Variants in KIF23 observed in about 807,000 individuals in gnomAD.
KIF23 encodes the protein kinesin-like protein KIF23.
A neutral mutation model predicts 137.5 loss-of-function variants in KIF23; 30 were observed. The observed-to-expected ratio is 0.22, with a 90% CI of 0.16 to 0.30. The LOEUF is 0.30. Among genes scored for constraint, KIF23 ranks in the 10% least tolerant of loss-of-function variants. The pLI, the probability that KIF23 is intolerant of heterozygous loss-of-function variation, is 1.00. For synonymous variants in KIF23, 367 were observed against 391.1 expected, an observed-to-expected ratio of 0.94 and a Z score of 0.73; for missense variants, 920 against 1,194.3, an observed-to-expected ratio of 0.77 and a Z score of 3.38.
intron 10 of KIF23, among the ~76,000 whole-genome samples, chr15:69,428,590 G>C (rs550457725): frequency 2.5e-4 from 37 of 147,902 alleles, no homozygotes; most frequent in African/African-American, 8.7e-4. Context: ...AACCCAGGAG[G>C]GGGAGGTTGT....
At chr15:69,425,195 T>C (rs2057158597) in intron 7 of KIF23, 87 bp from the exon 8 acceptor site, 2 of 982,276 alleles carry the variant, frequency 2.0e-6, no homozygotes, top group Non-Finnish European at 3.0e-6. Context: ...ATATGACTCA[T>C]TGTGATTGTC....
chr15:69,419,198 T>A (rs1287456317), intron 3 of KIF23, among the ~76,000 whole-genome samples: 1 of 152,224 alleles, frequency 6.6e-6, no homozygotes, highest in Non-Finnish European at 1.5e-5. Context: ...AATCTCAGAC[T>A]GGCATTGGTT....
At position 69,436,630 on chromosome 15, in the gene KIF23, T is replaced by G. The variant is rs1328110433; in HGVS notation, c.1505T>G (p.Ile502Ser). The change falls in exon 15 of 24, where the codon ATC becomes AGC. Residue 502 changes from isoleucine to serine, a missense_variant. Physicochemically the swap from Ile to Ser is moderately radical, Grantham distance 142 (BLOSUM62 -2). Around this residue, in one of 4 missense-constraint regions of KIF23, gnomAD observed 714 missense variants for 866.2 expected, o/e 0.82. Transcript: ENST00000679126. Reference protein sequence around the residue: ...PPLPSCEILDINDEQTLPRLI... With the variant: ...PPLPSCEILDSNDEQTLPRLI... ...TTGCCATCATGCGAAATTTTGGATA[T>G]CAACGATGAGCAGACACTTCCAAGG... 1 of 1,612,580 alleles carries G rather than the reference T, an allele frequency of 6.2e-7. No homozygotes were observed. The highest frequency in any genetic ancestry group is 8.5e-7 in the Non-Finnish European group (1 of 1,178,890).
chr15:69,426,397 C>T lies in KIF23; in HGVS notation c.951C>T (p.Ser317=), dbSNP rs1281633534. The T allele has an allele frequency of 4.3e-6, 7 of 1,613,668 alleles. No individual in the cohort carries two copies. The highest frequency in any genetic ancestry group is 1.7e-5 in the Admixed American group (1 of 60,000). Residue 317 remains serine, a synonymous_variant, in exon 10 of 24, where the codon AGC becomes AGT. Coordinates refer to ENST00000679126, the MANE Select transcript of KIF23 (RefSeq NM_001367805.3). ...ATCGTGAGTCCAGCCGTTCCCATAG[C>T]GTGTTCAACATTAAATTAGTTCAGG... ...HLNRESSRSH[S]VFNIKLVQAP...
rs575021687 is a variant in KIF23, at chr15:69,446,197, G to A, written c.2757-86G>A. 6.4e-6 allele frequency: 9 copies of A among 1,409,530 alleles called. No homozygotes were observed. The South Asian group carries it at 1.0e-4, about 16-fold the overall frequency. 87.3% of individuals were successfully genotyped at this position (1,409,530 alleles called of 1,614,324 possible). ...AAATGTATCATTAATTCTCCAAAGG[G>A]ATGTAGATAGTATTCCCCTACTTCT... On this transcript the variant is annotated intron_variant, in intron 21 of 23. Transcript: ENST00000679126.
chr15:69,431,590 G>A lies in KIF23; in HGVS notation c.1114+2377G>A, dbSNP rs201546909. Among the ~76,000 whole-genome samples the A allele has an allele frequency of 4.0e-5, 6 of 151,124 alleles. No homozygotes were observed. The East Asian group carries it at 1.2e-3, about 30-fold the overall frequency. On this transcript the variant is annotated intron_variant, in intron 11 of 23. Transcript: ENST00000679126. The stretch of plus-strand genomic sequence containing the variant: ...GATCGCGCCATTGCACTCCAGCCTG[G>A]GCGACAGAGCGAGACTCCGTCTCAA...
At chr15:69,432,376 TGAG>T (rs1360550286) in intron 11 of KIF23, among the ~76,000 whole-genome samples, 1 of 152,146 alleles carries the variant, frequency 6.6e-6, no homozygotes, top group African/African-American at 2.4e-5. Flanking sequence ...CTACAGCATA[TGAG>T]AATGATTGTT....
intron 22 of KIF23, 113 bp downstream of exon 22, chr15:69,446,477 T>C (rs777080033): frequency 7.6e-6 from 6 of 784,526 alleles, no homozygotes; most frequent in Non-Finnish European, 1.3e-5. Flanking sequence ...TAATCTCACA[T>C]TGCCAGTGCA....
intron 3 of KIF23, among the ~76,000 whole-genome samples, chr15:69,419,300 C>CAG (rs10649979): frequency 1 from 151,773 of 152,330 alleles, 75,609 homozygotes; most frequent in Middle Eastern, 1. Flanking sequence ...ACAGAGCAGA[C>CAG]AGTGATCTTT....
At chr15:69,426,680 A>G in intron 10 of KIF23, 1 of 504,398 alleles carries the variant, frequency 2.0e-6, no homozygotes, top group Non-Finnish European at 3.5e-6. Flanking sequence ...AGATCGCGCC[A>G]CTGTAGTCCA....
chr15:69,425,178 T>G, intron 7 of KIF23, 104 bp from the exon 8 acceptor site: 1 of 835,128 alleles, frequency 1.2e-6, no homozygotes, highest in Non-Finnish European at 1.8e-6. Flanking sequence ...AGTGGAGGGT[T>G]TTTAAGATAT....
At chr15:69,419,073 C>T (rs541825088) in intron 3 of KIF23, among the ~76,000 whole-genome samples, 11 of 152,230 alleles carry the variant, frequency 7.2e-5, no homozygotes, top group South Asian at 4.1e-4. Flanking sequence ...GCCGAGATCG[C>T]GCCATTGCAC....
intron 1 of KIF23, chr15:69,415,087 T>G (rs2056864725): frequency 6.6e-6 from 1 of 152,208 alleles, no homozygotes; most frequent in Non-Finnish European, 1.5e-5. Context: ...AAGCTAATAT[T>G]TTCGGCGCAG....
intron 1 of KIF23, chr15:69,414,822 C>T: frequency 3.6e-6 from 1 of 274,778 alleles, no homozygotes; most frequent in African/African-American, 2.2e-5. Context: ...CCTTCTCCCT[C>T]GCTGGCTGCC....
rs2057774385 is a variant in KIF23 at position 69,447,895 on chromosome 15, T to C, written c.*88T>C. 7.3e-7 allele frequency: 1 copy of C among 1,371,264 alleles called. No homozygotes were observed. The highest frequency in any genetic ancestry group is 1.0e-6 in the Non-Finnish European group (1 of 965,804). 84.9% of individuals were successfully genotyped at this position (1,371,264 alleles called of 1,614,324 possible). On this transcript the variant is annotated 3_prime_UTR_variant, in exon 24 of 24. Transcript: ENST00000679126. ...CCAGAAGCAGTCTTCCAGGTCATCT[T>C]GTAGAACTCCAGCTTTGTTGAAAAT...
At chr15:69,427,456 T>C (rs1397249187) in intron 10 of KIF23, 2 of 455,972 alleles carry the variant, frequency 4.4e-6, no homozygotes, top group South Asian at 3.1e-5. Flanking sequence ...TTGGTAGAAG[T>C]GATAAAATAA....
intron 8 of KIF23, 123 bp downstream of exon 8, chr15:69,425,446 G>A (rs937515041): frequency 1.4e-5 from 11 of 803,916 alleles, no homozygotes; most frequent in Non-Finnish European, 2.0e-5. Context: ...CTGTCTCTAA[G>A]CCCTCCTTGC....
chr15:69,428,990 C>G, intron 10 of KIF23, 121 bp from the exon 11 acceptor site: 1 of 578,486 alleles, frequency 1.7e-6, no homozygotes, highest in Non-Finnish European at 3.0e-6. Context: ...TTTGCCTGTC[C>G]TGTGCATTTT....
intron 20 of KIF23, among the ~76,000 whole-genome samples, chr15:69,445,781 A>G (rs201451401): frequency 1.3e-5 from 2 of 152,172 alleles, no homozygotes; most frequent in East Asian, 3.9e-4. Context: ...TTCTGCAATT[A>G]TGAATGTTAC....
Sources: gnomAD v4.1 joint callset for allele counts (sites outside exome capture counted in the v4.1 genomes callset) on GRCh38, gnomAD v4.1.1 for gene constraint, gnomAD v4.1.1 regional missense constraint, MANE v1.5 for transcripts, NCBI Gene and HGNC (gene_info 2026-07-23, HGNC 2026-07-21) for gene names.